The following ARB2A variants were observed in gnomAD, a reference collection of about 807,000 sequenced individuals.
The protein encoded by ARB2A is cotranscriptional regulator ARB2A.
the ARB2A span, chr5:93,618,587 A>G: frequency 6.6e-6 from 1 of 152,200 alleles, no homozygotes; most frequent in South Asian, 2.1e-4. Flanking sequence ...TATTACATTT[A>G]TATCAACAAA....
the ARB2A span, among the ~76,000 whole-genome samples, chr5:94,012,809 A>G: frequency 6.6e-5 from 10 of 152,196 alleles, no homozygotes; most frequent in Admixed American, 4.6e-4. Flanking sequence ...GAGAAAAGAA[A>G]AGCTTTGTAT....
At chr5:93,989,610 C>A in the ARB2A span, among the ~76,000 whole-genome samples, 1 of 152,120 alleles carries the variant, frequency 6.6e-6, no homozygotes, top group Non-Finnish European at 1.5e-5. Context: ...AAGGAAAAAA[C>A]GGTCTGATCC....
chr5:93,865,441 A>G, the ARB2A span: 2 of 985,228 alleles, frequency 2.0e-6, no homozygotes, highest in South Asian at 4.7e-5. Flanking sequence ...TTTATCTTTA[A>G]TATCTAGCAC....
the ARB2A span, among the ~76,000 whole-genome samples, chr5:93,930,442 A>G: frequency 6.6e-6 from 1 of 152,216 alleles, no homozygotes; most frequent in Non-Finnish European, 1.5e-5. Flanking sequence ...TGTCCACACT[A>G]ATCTTCAATT....
the ARB2A span, among the ~76,000 whole-genome samples, chr5:93,627,637 T>TCA: frequency 6.6e-6 from 1 of 152,010 alleles, no homozygotes; most frequent in Non-Finnish European, 1.5e-5. Flanking sequence ...AGACAGGGTT[T>TCA]CACCATGTTG....
chr5:93,920,938 C>T, the ARB2A span, among the ~76,000 whole-genome samples: 1 of 152,006 alleles, frequency 6.6e-6, no homozygotes, highest in Non-Finnish European at 1.5e-5. Flanking sequence ...ACTGTTCTTG[C>T]ATATTTTTCA....
At chr5:94,005,250 C>T in the ARB2A span, among the ~76,000 whole-genome samples, 10 of 152,116 alleles carry the variant, frequency 6.6e-5, no homozygotes, top group African/African-American at 2.4e-4. Flanking sequence ...ATCGCCCAGG[C>T]TGGAGTGCAG....
the ARB2A span, among the ~76,000 whole-genome samples, chr5:94,027,242 G>T: frequency 6.6e-6 from 1 of 152,314 alleles, no homozygotes; most frequent in African/African-American, 2.4e-5. Flanking sequence ...TTCAACCATG[G>T]TATACAACTC....
the ARB2A span, among the ~76,000 whole-genome samples, chr5:94,055,404 G>GA: frequency 2.0e-5 from 3 of 152,016 alleles, no homozygotes; most frequent in African/African-American, 7.2e-5. Flanking sequence ...ATATGCTAGA[G>GA]AAAAAAGTAT....
At chr5:93,653,736 T>C in the ARB2A span, among the ~76,000 whole-genome samples, 2 of 152,146 alleles carry the variant, frequency 1.3e-5, no homozygotes, top group Non-Finnish European at 2.9e-5. Flanking sequence ...TAGCACTTGA[T>C]AGTTTCTGGT....
chr5:94,026,207 G>A, the ARB2A span, among the ~76,000 whole-genome samples: 2 of 152,080 alleles, frequency 1.3e-5, no homozygotes, highest in African/African-American at 4.8e-5. Flanking sequence ...AGCCCTGTCA[G>A]CCCCTAGCCT....
chr5:93,834,882 T>C, the ARB2A span, among the ~76,000 whole-genome samples: 4 of 152,168 alleles, frequency 2.6e-5, no homozygotes, highest in African/African-American at 9.7e-5. Flanking sequence ...TAGGAAAGGC[T>C]TTCTAATACG....
the ARB2A span, among the ~76,000 whole-genome samples, chr5:94,062,614 A>C: frequency 6.6e-6 from 1 of 152,092 alleles, no homozygotes; most frequent in Non-Finnish European, 1.5e-5. Flanking sequence ...ATAAAGTAGG[A>C]AGCTGCCTGA....
the ARB2A span, among the ~76,000 whole-genome samples, chr5:93,822,110 CTT>C: frequency 6.6e-6 from 1 of 152,174 alleles, no homozygotes; most frequent in African/African-American, 2.4e-5. Context: ...CTGAGACCAT[CTT>C]GTCTCTCTGA....
the ARB2A span, among the ~76,000 whole-genome samples, chr5:93,995,864 T>C: frequency 2.6e-5 from 4 of 152,118 alleles, no homozygotes; most frequent in Non-Finnish European, 4.4e-5. Flanking sequence ...TCCCAAATCA[T>C]CACAAACAAA....
chr5:93,897,589 C>T, the ARB2A span, among the ~76,000 whole-genome samples: 1 of 151,634 alleles, frequency 6.6e-6, no homozygotes, highest in Non-Finnish European at 1.5e-5. Flanking sequence ...TTTGAAAATC[C>T]ATTGTAAGGA....
chr5:93,668,281 G>A, the ARB2A span, among the ~76,000 whole-genome samples: 2 of 151,684 alleles, frequency 1.3e-5, no homozygotes, highest in East Asian at 3.9e-4. Context: ...TTTTTATATT[G>A]TTTAGTAGAG....
At chr5:93,768,528 T>C in the ARB2A span, among the ~76,000 whole-genome samples, 848 of 150,728 alleles carry the variant, frequency 5.6e-3, 8 homozygotes, top group South Asian at 9.0e-3. Flanking sequence ...TACATATATA[T>C]ACACTATATA....
At chr5:93,885,932 T>TTA in the ARB2A span, among the ~76,000 whole-genome samples, 1 of 151,660 alleles carries the variant, frequency 6.6e-6, no homozygotes, top group Non-Finnish European at 1.5e-5. Flanking sequence ...AACCAACAAA[T>TTA]GATGGCTTAG....
Sources: gnomAD v4.1 joint callset for allele counts (sites outside exome capture counted in the v4.1 genomes callset) on GRCh38, gnomAD v4.1.1 for gene constraint, MANE v1.5 for transcripts, NCBI Gene and HGNC (gene_info 2026-07-23, HGNC 2026-07-21) for gene names.